The following CR1L variants were observed in gnomAD, a reference collection of about 807,000 sequenced individuals.
CR1L encodes the protein complement component receptor 1-like protein.
In CR1L, 59 loss-of-function variants were observed where a neutral mutation model predicts 62.3. That is an observed-to-expected ratio of 0.95 (90% CI 0.77 to 1.18). The LOEUF (loss-of-function observed/expected upper bound fraction) is 1.18, where lower values mean the gene tolerates loss of function less well. Among genes scored for constraint, CR1L ranks in the 50% most tolerant of loss-of-function variants. The pLI, the probability that CR1L is intolerant of heterozygous loss-of-function variation, is 0.00. For synonymous variants in CR1L, 279 were observed against 248.7 expected (o/e 1.12, Z -1.15); for missense variants, 700 against 702.8 (o/e 1.00, Z 0.04).
chr1:207,683,559 C>T (rs1372445396), intron 3 of CR1L, among the ~76,000 whole-genome samples: 2 of 152,230 alleles, frequency 1.3e-5, no homozygotes, highest in Non-Finnish European at 1.5e-5. Flanking sequence ...ATGACAGCTT[C>T]CCTGCACTCA....
intron 9 of CR1L, among the ~76,000 whole-genome samples, chr1:207,707,108 T>C (rs1664279662): frequency 1.3e-5 from 2 of 152,192 alleles, no homozygotes; most frequent in Non-Finnish European, 1.5e-5. Flanking sequence ...AAATTCCTAA[T>C]TGGAAAAAAT....
chr1:207,657,187 A>G (rs1436851773), intron 1 of CR1L: 2 of 1,073,358 alleles, frequency 1.9e-6, no homozygotes. Flanking sequence ...AAGTAGAAGT[A>G]TTTGAGTATC....
intron 11 of CR1L, among the ~76,000 whole-genome samples, chr1:207,718,157 A>G (rs1261595394): frequency 6.6e-6 from 1 of 152,166 alleles, no homozygotes; most frequent in Admixed American, 6.5e-5. Flanking sequence ...TATACTTTTT[A>G]TGTTGTTTCC....
chr1:207,693,196 C>T (rs938902601), intron 4 of CR1L, among the ~76,000 whole-genome samples: 12 of 152,220 alleles, frequency 7.9e-5, no homozygotes, highest in African/African-American at 1.7e-4. Context: ...CGGCTGACTG[C>T]AATCTCCACC....
chr1:207,681,435 G>T (rs185697186), intron 3 of CR1L, among the ~76,000 whole-genome samples: 29 of 152,308 alleles, frequency 1.9e-4, no homozygotes, highest in Non-Finnish European at 3.8e-4. Context: ...AAGTAGCATG[G>T]ATTTTGTCTC....
chr1:207,673,466 G>C (rs1449287680), intron 1 of CR1L, among the ~76,000 whole-genome samples: 3 of 152,190 alleles, frequency 2.0e-5, no homozygotes, highest in African/African-American at 7.2e-5. Context: ...TGTACTTCGG[G>C]TTGACAGCTC....
intron 1 of CR1L, among the ~76,000 whole-genome samples, chr1:207,672,722 C>T (rs548432982): frequency 7.2e-5 from 11 of 152,174 alleles, no homozygotes; most frequent in South Asian, 6.2e-4. Flanking sequence ...TAGACTCTGG[C>T]GCCCTCACAT....
rs550380229 is a variant in CR1L, at chr1:207,647,144, A to G, written c.97+1814A>G. On this transcript the variant is annotated intron_variant, in intron 1 of 11. Transcript: ENST00000508064. ...CTAAAATGTATTGGGAGTGGCAGACATTAACCAAAACATAATAGTAACAAA... is the reference window on the plus strand; with the variant it reads ...CTAAAATGTATTGGGAGTGGCAGACGTTAACCAAAACATAATAGTAACAAA... Among the ~76,000 whole-genome samples, 19 of 152,368 alleles carry G rather than the reference A, an allele frequency of 1.2e-4. 1 individual carries two copies. In the South Asian group the frequency reaches 3.3e-3, roughly 27 times the overall value.
intron 10 of CR1L, chr1:207,708,854 G>A (rs1664310084): frequency 1.2e-5 from 5 of 407,936 alleles, no homozygotes; most frequent in Non-Finnish European, 2.4e-5. Flanking sequence ...GGGAGAATAA[G>A]TGGGAACAAA....
intron 8 of CR1L, among the ~76,000 whole-genome samples, chr1:207,699,950 G>A (rs1331500729): frequency 1.3e-5 from 2 of 152,124 alleles, no homozygotes; most frequent in South Asian, 2.1e-4. Flanking sequence ...ATTAGACAGG[G>A]TGAGCAGTTT....
intron 4 of CR1L, among the ~76,000 whole-genome samples, chr1:207,684,970 AT>A (rs1663877264): frequency 6.6e-6 from 1 of 152,208 alleles, no homozygotes; most frequent in South Asian, 2.1e-4. Context: ...TTGGTCACAC[AT>A]TTATTGCTGT....
chr1:207,721,017 C>G (rs1654123889), intron 11 of CR1L, among the ~76,000 whole-genome samples: 1 of 152,116 alleles, frequency 6.6e-6, no homozygotes. Context: ...GGAGTTTCTT[C>G]AGTTCTGCAT....
chr1:207,704,735 T>C, intron 9 of CR1L, among the ~76,000 whole-genome samples: 1 of 152,228 alleles, frequency 6.6e-6, no homozygotes, highest in Non-Finnish European at 1.5e-5. Context: ...ATAAACCATT[T>C]TTTAAAGTAT....
rs371352387 is a variant in CR1L at position 207,678,199 on chromosome 1, T to G, written c.279T>G (p.Arg93=). The change falls in exon 3 of 12, where the codon CGT becomes CGG. Residue 93 remains arginine, a splice_region_variant and synonymous_variant. Transcript: ENST00000508064. ...CAAATTTCTGTTTCTTTCCTGTAGG[T>G]AAATCATGTCGTAATCCTCCAGATC... ...VWTSAKDKCK[R]KSCRNPPDPV... The G allele has an allele frequency of 6.2e-6, 10 of 1,613,564 alleles. No individual in the cohort carries two copies. The highest frequency in any genetic ancestry group is 1.7e-5 in the Admixed American group (1 of 60,008).
intron 10 of CR1L, among the ~76,000 whole-genome samples, chr1:207,716,838 A>G (rs1200102712): frequency 6.6e-6 from 1 of 152,222 alleles, no homozygotes; most frequent in African/African-American, 2.4e-5. Context: ...CTTTTAGGGA[A>G]GGAACTGTTC....
At chr1:207,649,065 G>T (rs531711025) in intron 1 of CR1L, among the ~76,000 whole-genome samples, 1 of 152,146 alleles carries the variant, frequency 6.6e-6, no homozygotes, top group Non-Finnish European at 1.5e-5. Flanking sequence ...TCAAAAACAC[G>T]TGATAATTAC....
chr1:207,685,066 C>T (rs1663878368), intron 4 of CR1L, among the ~76,000 whole-genome samples: 1 of 151,800 alleles, frequency 6.6e-6, no homozygotes, highest in African/African-American at 2.4e-5. Flanking sequence ...AATAAGATAA[C>T]ATGGAATTGG....
chr1:207,650,897 T>A lies in CR1L; in HGVS notation c.97+5567T>A, dbSNP rs143343462. On this transcript the variant is annotated intron_variant, in intron 1 of 11. Transcript: ENST00000508064. ...GCCACCTGGGTTCAAGCAATTCTTC[T>A]GCCTCAGCCTCCCGAGTAGCTGGGA... Among the ~76,000 whole-genome samples, 1,300 of 152,140 alleles carry A rather than the reference T, an allele frequency of 8.5e-3. 18 individuals are homozygous for A. Among genetic ancestry groups the A allele is most frequent in the African/African-American group, 0.024 (1,007 of 41,516 alleles).
At chr1:207,675,980 A>G (rs1334856799) in intron 1 of CR1L, among the ~76,000 whole-genome samples, 2 of 152,186 alleles carry the variant, frequency 1.3e-5, no homozygotes, top group Non-Finnish European at 2.9e-5. Flanking sequence ...GGTGGCTGCT[A>G]CTGAGGGCCA....
Sources: allele counts gnomAD v4.1 joint callset (sites outside exome capture counted in the v4.1 genomes callset), GRCh38; gene constraint gnomAD v4.1.1; transcripts MANE v1.5; gene names NCBI Gene and HGNC (gene_info 2026-07-23, HGNC 2026-07-21).